Variants in KDM4C observed in about 807,000 individuals in gnomAD.
The protein encoded by KDM4C is lysine demethylase 4C.
Under a neutral mutation model 129.3 loss-of-function variants are expected in KDM4C, and 81 were observed. The observed-to-expected ratio is 0.63, with a 90% CI of 0.52 to 0.75. KDM4C has a LOEUF of 0.75. KDM4C is among the 30% of genes least tolerant of loss of function. The probability of loss-of-function intolerance (pLI) is 0.00; values close to 1 mark genes in which losing one functional copy is unlikely to be tolerated. For missense variants in KDM4C, 1,457 were observed against 1,304.0 expected, an observed-to-expected ratio of 1.12 and a Z score of -1.81; for synonymous variants, 573 against 456.1, an observed-to-expected ratio of 1.26 and a Z score of -3.26.
chr9:6,997,970 G>A (rs548104441), intron 12 of KDM4C, among the ~76,000 whole-genome samples: 2 of 152,336 alleles, frequency 1.3e-5, no homozygotes, highest in Admixed American at 1.3e-4. Context: ...TTAGTCAAGT[G>A]CAGAGGCAGC....
At chr9:6,964,014 A>G (rs1413126062) in intron 8 of KDM4C, among the ~76,000 whole-genome samples, 3 of 151,610 alleles carry the variant, frequency 2.0e-5, no homozygotes, top group Non-Finnish European at 4.4e-5. Context: ...GAAAGCTAAG[A>G]ACATAACTCT....
intron 15 of KDM4C, among the ~76,000 whole-genome samples, chr9:7,036,185 T>A (rs1223589510): frequency 2.0e-5 from 3 of 152,160 alleles, no homozygotes; most frequent in Non-Finnish European, 4.4e-5. Flanking sequence ...TAGTTTCTCT[T>A]ATAGTGGTCT....
chr9:7,139,302 G>C (rs958794614), intron 19 of KDM4C, among the ~76,000 whole-genome samples: 1 of 152,064 alleles, frequency 6.6e-6, no homozygotes, highest in Non-Finnish European at 1.5e-5. Flanking sequence ...TAAATAATCT[G>C]ACCCAATGAT....
At chr9:6,887,910 A>G in intron 6 of KDM4C, 50 bp from the exon 7 acceptor site, 3 of 1,082,504 alleles carry the variant, frequency 2.8e-6, no homozygotes, top group Non-Finnish European at 4.3e-6. Context: ...CCTATTTGAT[A>G]TTTTCTCTTA....
chr9:6,933,426 G>A (rs1302297304), intron 8 of KDM4C, among the ~76,000 whole-genome samples: 2 of 152,178 alleles, frequency 1.3e-5, no homozygotes, highest in Non-Finnish European at 2.9e-5. Flanking sequence ...AAATAAAACA[G>A]CATTAGGAAA....
rs750709787 is a variant in KDM4C at position 6,980,990 on chromosome 9, C to G, written c.987C>G (p.Asp329Glu). 4 of 1,613,662 alleles carry G rather than the reference C, an allele frequency of 2.5e-6. No homozygotes were observed. Among genetic ancestry groups the G allele is most frequent in the African/African-American group, 1.3e-5 (1 of 74,884 alleles). Residue 329 changes from aspartate to glutamate, a missense_variant, in exon 9 of 22, where the codon GAC becomes GAG. Asp to Glu is a conservative substitution (Grantham distance 45). Coordinates refer to ENST00000381309, the MANE Select transcript of KDM4C (RefSeq NM_015061.6). ...MDIFVRKFQP[D>E]RYQLWKQGKD... ...TCTTTGTGAGGAAATTTCAGCCAGACAGATATCAGCTTTGGAAACAAGGAA... is the reference window on the plus strand; with the variant it reads ...TCTTTGTGAGGAAATTTCAGCCAGAGAGATATCAGCTTTGGAAACAAGGAA...
chr9:6,744,022 A>G (rs1817793691), intron 1 of KDM4C, among the ~76,000 whole-genome samples: 1 of 146,676 alleles, frequency 6.8e-6, no homozygotes, highest in South Asian at 2.2e-4. Context: ...TATTGGGATT[A>G]CAGGTGTGAG....
intron 2 of KDM4C, among the ~76,000 whole-genome samples, chr9:6,803,190 G>C (rs964701406): frequency 3.9e-5 from 6 of 152,092 alleles, no homozygotes; most frequent in Non-Finnish European, 7.3e-5. Context: ...TAGGTCATTT[G>C]GTGTTTGCTT....
intron 19 of KDM4C, among the ~76,000 whole-genome samples, chr9:7,134,601 A>G (rs1436975123): frequency 6.6e-6 from 1 of 152,224 alleles, no homozygotes; most frequent in Non-Finnish European, 1.5e-5. Context: ...CCTATTTCAG[A>G]CATTTTCAAA....
chr9:6,825,230 G>A (rs990465862), intron 4 of KDM4C, among the ~76,000 whole-genome samples: 1 of 151,338 alleles, frequency 6.6e-6, no homozygotes, highest in African/African-American at 2.4e-5. Flanking sequence ...ATGTCCTATA[G>A]CTTCTGGAAA....
At chr9:7,015,067 A>G (rs941803133) in intron 14 of KDM4C, among the ~76,000 whole-genome samples, 2 of 152,150 alleles carry the variant, frequency 1.3e-5, no homozygotes, top group African/African-American at 4.8e-5. Context: ...TTTTATACAC[A>G]TATGCTTTAA....
At chr9:6,879,929 G>C (rs1170081633) in intron 5 of KDM4C, 83 bp from the exon 6 acceptor site, 1 of 613,690 alleles carries the variant, frequency 1.6e-6, no homozygotes, top group Admixed American at 3.0e-5. Flanking sequence ...TCTTTTATGT[G>C]ACATTATTTA....
At chr9:6,814,921 A>C (rs780966873) in intron 4 of KDM4C, 176 bp downstream of exon 4, 9 of 431,066 alleles carry the variant, frequency 2.1e-5, no homozygotes, top group Non-Finnish European at 3.7e-5. Context: ...TTCAAACTGA[A>C]GCTAGATAAT....
chr9:6,866,204 A>G (rs1400375932), intron 5 of KDM4C, among the ~76,000 whole-genome samples: 1 of 150,964 alleles, frequency 6.6e-6, no homozygotes, highest in African/African-American at 2.4e-5. Context: ...TTTGGTTACT[A>G]TTAAATATGT....
chr9:6,754,499 C>A (rs1818180445), upstream of KDM4C, among the ~76,000 whole-genome samples: 1 of 152,174 alleles, frequency 6.6e-6, no homozygotes, highest in Non-Finnish European at 1.5e-5. Flanking sequence ...AGGCATGAGC[C>A]ACTGTGCCCA....
In KDM4C at chr9:7,165,174, C is replaced by G. The variant is rs940252114; in HGVS notation, c.2782-64C>G. The stretch of plus-strand genomic sequence containing the variant: ...TTAATTGCCAGGAGTTCATCATTTG[C>G]TAAGTTCTAAATGCAGTCACTTAGG... On this transcript the variant is annotated intron_variant, in intron 19 of 21. Transcript: ENST00000381309. The G allele has an allele frequency of 5.7e-6, 9 of 1,571,990 alleles. No individual in the cohort carries two copies. In the African/African-American group the frequency reaches 1.1e-4, roughly 19 times the overall value.
intron 15 of KDM4C, among the ~76,000 whole-genome samples, chr9:7,032,239 C>G (rs1358298434): frequency 6.6e-6 from 1 of 152,172 alleles, no homozygotes; most frequent in African/African-American, 2.4e-5. Flanking sequence ...CAACCTAACT[C>G]CATTCAGTTG....
chr9:6,946,769 A>G (rs1403462372), intron 8 of KDM4C, among the ~76,000 whole-genome samples: 1 of 152,018 alleles, frequency 6.6e-6, no homozygotes, highest in Admixed American at 6.5e-5. Context: ...TTTTAATGCC[A>G]TTTTATGTTC....
At chr9:6,792,907 T>A in intron 1 of KDM4C, 65 bp from the exon 2 acceptor site, 1 of 1,511,380 alleles carries the variant, frequency 6.6e-7, no homozygotes, top group Non-Finnish European at 9.1e-7. Context: ...TGACATACTA[T>A]TTGTTAAAAA....
Sources: gnomAD v4.1 joint callset for allele counts (sites outside exome capture counted in the v4.1 genomes callset) on GRCh38, gnomAD v4.1.1 for gene constraint, MANE v1.5 for transcripts, NCBI Gene and HGNC (gene_info 2026-07-23, HGNC 2026-07-21) for gene names.